Variants in GPD1L observed in about 807,000 individuals in gnomAD.
GPD1L encodes glycerol-3-phosphate dehydrogenase 1-like protein.
GPD1L carries 17 observed loss-of-function variants against 32.9 expected under a neutral mutation model. The observed-to-expected ratio is 0.52, with a 90% confidence interval of 0.35 to 0.78. The LOEUF is 0.78. Among genes scored for constraint, GPD1L ranks in the 30% least tolerant of loss-of-function variants. The pLI, the probability that GPD1L is intolerant of heterozygous loss-of-function variation, is 0.01. For synonymous variants in GPD1L, 187 were observed against 165.9 expected, an observed-to-expected ratio of 1.13 and a Z score of -0.98; for missense variants, 361 against 447.8, an observed-to-expected ratio of 0.81 and a Z score of 1.75.
intron 5 of GPD1L, among the ~76,000 whole-genome samples, chr3:32,156,499 C>T: frequency 6.6e-6 from 1 of 152,208 alleles, no homozygotes. Flanking sequence ...CTTCCTATCC[C>T]CATCCTTTAT....
intron 2 of GPD1L, 78 bp downstream of exon 2, chr3:32,128,331 T>A: frequency 8.6e-7 from 1 of 1,168,732 alleles, no homozygotes; most frequent in Non-Finnish European, 1.3e-6. Context: ...GTTTTGGAAC[T>A]GGGAAAGCTG....
rs759219954 is a variant in GPD1L, at chr3:32,128,072, G to A, written c.48-4G>A. On this transcript the variant is annotated splice_polypyrimidine_tract_variant and splice_region_variant and intron_variant, in intron 1 of 7. Coordinates refer to ENST00000282541, the MANE Select transcript of GPD1L (RefSeq NM_015141.4). ...GTTTTTCTTTTCCACGATTTCTTTT[G>A]TAGGGGTTCAGCTGTTGCAAAAATA... 1.1e-5 allele frequency: 18 copies of A among 1,604,790 alleles called. No homozygotes were observed. Among genetic ancestry groups the A allele is most frequent in the Non-Finnish European group, 1.5e-5 (18 of 1,172,116 alleles).
At chr3:32,122,304 G>A (rs999275429) in intron 1 of GPD1L, among the ~76,000 whole-genome samples, 1 of 152,136 alleles carries the variant, frequency 6.6e-6, no homozygotes, top group African/African-American at 2.4e-5. Flanking sequence ...TCAGATCTGG[G>A]TTTGAATTGC....
intron 1 of GPD1L, among the ~76,000 whole-genome samples, chr3:32,127,828 T>TA (rs1229758709): frequency 6.6e-6 from 1 of 152,182 alleles, no homozygotes; most frequent in African/African-American, 2.4e-5. Flanking sequence ...GGTTGATTCT[T>TA]ACTAGTTTCA....
chr3:32,122,565 A>G (rs1700438504), intron 1 of GPD1L, among the ~76,000 whole-genome samples: 1 of 152,220 alleles, frequency 6.6e-6, no homozygotes, highest in Non-Finnish European at 1.5e-5. Flanking sequence ...TTTCATGGGT[A>G]ATAGAATTTT....
Position 32,106,650 on chromosome 3 carries a change from A to G in GPD1L, c.-62A>G. On this transcript the variant is annotated 5_prime_UTR_variant, in exon 1 of 8. Coordinates refer to ENST00000282541, the MANE Select transcript of GPD1L (RefSeq NM_015141.4). The surrounding 1 kb of genome is among the most constrained non-coding windows in gnomAD (Gnocchi z 4.0). ...CGCCAGCCGCTGCGGGCAAGGCTGAACAGGCGGAGGTGGGCAGCCGGCCAG... is the reference window on the plus strand; with the variant it reads ...CGCCAGCCGCTGCGGGCAAGGCTGAGCAGGCGGAGGTGGGCAGCCGGCCAG... The G allele has an allele frequency of 1.4e-6, 2 of 1,444,010 alleles. No individual in the cohort carries two copies. The highest frequency in any genetic ancestry group is 2.8e-5 in the East Asian group (1 of 35,610). 89.4% of individuals were successfully genotyped at this position (1,444,010 alleles called of 1,614,324 possible).
At chr3:32,152,540 T>C (rs1018085771) in intron 5 of GPD1L, among the ~76,000 whole-genome samples, 15 of 152,110 alleles carry the variant, frequency 9.9e-5, no homozygotes, top group African/African-American at 3.4e-4. Context: ...CTGACCCTCA[T>C]GCAACAGAGG....
rs1456781014 is a variant in GPD1L at position 32,131,704 on chromosome 3, C to T, written c.225+3451C>T. Among the ~76,000 whole-genome samples the T allele has an allele frequency of 2.0e-5, 3 of 152,096 alleles. No homozygotes were observed. In the South Asian group the frequency reaches 6.2e-4, roughly 32 times the overall value. On this transcript the variant is annotated intron_variant, in intron 2 of 7. Transcript: ENST00000282541. ...ACTCTTTGGGTATTATGAATAATAC[C>T]TTTATGTACAATGTGAACCTTTATA... is the stretch of plus-strand genomic sequence containing the variant.
intron 1 of GPD1L, among the ~76,000 whole-genome samples, chr3:32,109,268 A>G (rs1470825617): frequency 2.0e-5 from 3 of 152,210 alleles, no homozygotes; most frequent in Non-Finnish European, 4.4e-5. Flanking sequence ...TTTAGTCTGT[A>G]CAATTCCACA....
chr3:32,140,492 A>G lies in GPD1L; in HGVS notation c.505+126A>G, dbSNP rs112524696. ...CCCTCTTAACATTCCTTAGTTGGGCATTCAGTGGGGCGAGGGTTTTACTTA... is the reference window on the plus strand; with the variant it reads ...CCCTCTTAACATTCCTTAGTTGGGCGTTCAGTGGGGCGAGGGTTTTACTTA... On this transcript the variant is annotated intron_variant, in intron 4 of 7. Transcript: ENST00000282541. 373 of 1,114,136 alleles carry G rather than the reference A, an allele frequency of 3.3e-4. No homozygotes were observed. The Middle Eastern group carries it at 3.4e-3, about 10-fold the overall frequency. 69.0% of individuals were successfully genotyped at this position (1,114,136 alleles called of 1,614,324 possible). A position where few individuals can be genotyped will look rare whatever the true frequency, so the allele number is the denominator to read the frequency against.
intron 5 of GPD1L, among the ~76,000 whole-genome samples, chr3:32,148,378 G>A (rs1290553879): frequency 6.6e-6 from 1 of 152,202 alleles, no homozygotes; most frequent in East Asian, 1.9e-4. Flanking sequence ...AAGACTGTAA[G>A]TGGATGTGCC....
chr3:32,163,345 T>C (rs1701099067), intron 7 of GPD1L, among the ~76,000 whole-genome samples: 1 of 152,078 alleles, frequency 6.6e-6, no homozygotes, highest in African/African-American at 2.4e-5. Flanking sequence ...AGTTTTTGTA[T>C]TTTTAGTAGA....
Position 32,137,895 on chromosome 3 carries a change from A to G in GPD1L, c.226-692A>G, listed in dbSNP as rs373988873. 4.6e-5 allele frequency among the ~76,000 whole-genome samples: 7 copies of G among 152,192 alleles called. No homozygotes were observed. In the East Asian group the frequency reaches 1.2e-3, roughly 25 times the overall value. On this transcript the variant is annotated intron_variant, in intron 2 of 7. Coordinates refer to ENST00000282541, the MANE Select transcript of GPD1L (RefSeq NM_015141.4). ...CATTTACAGAGGGGCCATGGGGTCG[A>G]GGGAATCAACAGGGGTTGGTGAAGT...
At chr3:32,110,028 C>A (rs1700224235) in intron 1 of GPD1L, among the ~76,000 whole-genome samples, 1 of 152,248 alleles carries the variant, frequency 6.6e-6, no homozygotes, top group African/African-American at 2.4e-5. Flanking sequence ...CGCCATTCTC[C>A]TGCCTCAGCC....
intron 5 of GPD1L, among the ~76,000 whole-genome samples, chr3:32,155,274 C>T (rs920017856): frequency 6.6e-6 from 1 of 152,138 alleles, no homozygotes; most frequent in Admixed American, 6.5e-5. Flanking sequence ...CCTCTCTGAG[C>T]CTCAGTTGTG....
At chr3:32,165,084 A>G (rs1233167920) in intron 7 of GPD1L, among the ~76,000 whole-genome samples, 1 of 152,158 alleles carries the variant, frequency 6.6e-6, no homozygotes, top group African/African-American at 2.4e-5. Context: ...CACACCTGTA[A>G]TCCCAACTAC....
chr3:32,113,854 C>CT (rs1282554828), intron 1 of GPD1L, among the ~76,000 whole-genome samples: 2 of 151,920 alleles, frequency 1.3e-5, no homozygotes, highest in Admixed American at 6.6e-5. Flanking sequence ...TCTCACCCAC[C>CT]TTTTTTTTGT....
chr3:32,146,861 T>G, intron 5 of GPD1L, 127 bp downstream of exon 5: 1 of 742,500 alleles, frequency 1.3e-6, no homozygotes. Flanking sequence ...ATTGAGAGTC[T>G]TGTTTATAAC....
chr3:32,137,779 A>G (rs892368428), intron 2 of GPD1L, among the ~76,000 whole-genome samples: 1 of 152,212 alleles, frequency 6.6e-6, no homozygotes, highest in African/African-American at 2.4e-5. Context: ...ATAATAGCTG[A>G]CATGTGTTGA....
Sources: allele counts gnomAD v4.1 joint callset (sites outside exome capture counted in the v4.1 genomes callset), GRCh38; gene constraint gnomAD v4.1.1; non-coding constraint Gnocchi (gnomAD v3.1); transcripts MANE v1.5; gene names NCBI Gene and HGNC (gene_info 2026-07-23, HGNC 2026-07-21).